ZPBP: variants seen among roughly 807,000 people sequenced by gnomAD.
The protein encoded by ZPBP is zona pellucida-binding protein 1.
A neutral mutation model predicts 44.8 loss-of-function variants in ZPBP; 26 were observed. The observed-to-expected ratio is 0.58, with a 90% CI of 0.43 to 0.81. ZPBP has a LOEUF of 0.81. Among genes scored for constraint, ZPBP ranks in the 30% least tolerant of loss-of-function variants. The pLI, the probability that ZPBP is intolerant of heterozygous loss-of-function variation, is 0.00. For missense variants in ZPBP, 409 were observed against 434.0 expected, an observed-to-expected ratio of 0.94 and a Z score of 0.51; for synonymous variants, 174 against 153.2, an observed-to-expected ratio of 1.14 and a Z score of -1.00.
chr7:49,880,178 T>C (rs1334714355), intron 2 of ZPBP, among the ~76,000 whole-genome samples: 2 of 152,226 alleles, frequency 1.3e-5, no homozygotes, highest in African/African-American at 4.8e-5. Context: ...ATCTGCTAAA[T>C]TTTATCAGTG....
intron 6 of ZPBP, among the ~76,000 whole-genome samples, chr7:50,007,952 T>C (rs1298188069): frequency 6.6e-6 from 1 of 151,892 alleles, no homozygotes; most frequent in Non-Finnish European, 1.5e-5. Context: ...CCCACTAAGA[T>C]TACAAATAAG....
chr7:50,031,305 G>A lies in ZPBP; in HGVS notation c.493C>T (p.Arg165Cys), dbSNP rs1395397866. The A allele has an allele frequency of 1.4e-5, 23 of 1,607,892 alleles. No homozygotes were observed. Among genetic ancestry groups the A allele is most frequent in the Non-Finnish European group, 1.9e-5 (22 of 1,178,176 alleles). The stretch of plus-strand genomic sequence containing the variant: ...AACTGATAATAATAATGAGGCTCAC[G>A]ATAAGCTGTAAAAAATTAACAAGAG... ...LQLKYAIYAY[R>C]EPHYYYQFTA... Residue 165 changes from arginine (R) to cysteine (C), a missense_variant, in exon 5 of 8, where the codon CGT becomes TGT. Transcript: ENST00000046087.
chr7:49,981,317 TATAA>T (rs373321887), intron 7 of ZPBP, among the ~76,000 whole-genome samples: 43,874 of 61,180 alleles, frequency 0.72, 15,901 homozygotes, highest in East Asian at 0.8. Context: ...TTATATATTA[TATAA>T]TATATATTAT....
chr7:49,870,420 A>G (rs1316837518), intron 2 of ZPBP, among the ~76,000 whole-genome samples: 1 of 152,108 alleles, frequency 6.6e-6, no homozygotes. Flanking sequence ...AAAAATAAAA[A>G]TTGTCTATAT....
intron 3 of ZPBP, among the ~76,000 whole-genome samples, chr7:50,079,636 T>C (rs914537110): frequency 6.6e-6 from 1 of 151,564 alleles, no homozygotes; most frequent in Non-Finnish European, 1.5e-5. Flanking sequence ...ACCTAATGTA[T>C]AGAATGGTAA....
intron 1 of ZPBP, among the ~76,000 whole-genome samples, chr7:49,932,034 G>A (rs1794463952): frequency 6.6e-6 from 1 of 152,236 alleles, no homozygotes; most frequent in African/African-American, 2.4e-5. Context: ...TGAGGTTTGG[G>A]AACCTCCGCC....
chr7:49,958,772 C>G (rs1795719896), intron 7 of ZPBP, among the ~76,000 whole-genome samples: 2 of 152,122 alleles, frequency 1.3e-5, no homozygotes, highest in Non-Finnish European at 2.9e-5. Context: ...AGCTGGTAAC[C>G]CAGTGAATTC....
chr7:50,028,537 A>G (rs771007889), intron 5 of ZPBP, among the ~76,000 whole-genome samples: 6 of 152,012 alleles, frequency 3.9e-5, no homozygotes, highest in Admixed American at 6.6e-5. Context: ...TGTGAAGTAA[A>G]ACTATTGCTA....
At chr7:49,958,818 A>G (rs1392925826) in intron 7 of ZPBP, among the ~76,000 whole-genome samples, 1 of 152,224 alleles carries the variant, frequency 6.6e-6, no homozygotes, top group East Asian at 1.9e-4. Flanking sequence ...TATCAATCCT[A>G]TAGAAGCACT....
chr7:50,059,463 A>T (rs904574577), intron 3 of ZPBP, among the ~76,000 whole-genome samples: 1 of 152,204 alleles, frequency 6.6e-6, no homozygotes, highest in African/African-American at 2.4e-5. Context: ...TTTAGAATAC[A>T]TGTCTATTGT....
chr7:49,902,961 C>A (rs577268057), intron 1 of ZPBP, among the ~76,000 whole-genome samples: 1 of 151,918 alleles, frequency 6.6e-6, no homozygotes, highest in East Asian at 1.9e-4. Flanking sequence ...AGGCAAAATA[C>A]ATGAAGAGTC....
intron 2 of ZPBP, among the ~76,000 whole-genome samples, chr7:49,880,493 CTTCT>C (rs2053747071): frequency 6.6e-6 from 1 of 151,738 alleles, no homozygotes; most frequent in South Asian, 2.1e-4. Flanking sequence ...TCAAATTCAG[CTTCT>C]TTATTAGATA....
chr7:49,955,497 C>A (rs1210358478), intron 7 of ZPBP, among the ~76,000 whole-genome samples: 3 of 151,890 alleles, frequency 2.0e-5, no homozygotes, highest in Non-Finnish European at 4.4e-5. Flanking sequence ...GCAGAGATTG[C>A]GGTGAGCTGA....
chr7:50,070,001 C>T (rs1311178689), intron 3 of ZPBP, among the ~76,000 whole-genome samples: 2 of 152,154 alleles, frequency 1.3e-5, no homozygotes, highest in Admixed American at 6.5e-5. Context: ...TCACACATCT[C>T]CCTTGCCCCA....
At chr7:49,959,407 T>A (rs900500176) in intron 7 of ZPBP, among the ~76,000 whole-genome samples, 3 of 152,066 alleles carry the variant, frequency 2.0e-5, no homozygotes, top group Non-Finnish European at 4.4e-5. Flanking sequence ...GTTAATATTT[T>A]AAAAATCCAT....
intron 1 of ZPBP, among the ~76,000 whole-genome samples, chr7:49,931,331 G>A (rs1794435994): frequency 6.6e-6 from 1 of 152,218 alleles, no homozygotes; most frequent in Non-Finnish European, 1.5e-5. Context: ...AAGAAGACAA[G>A]AAAATGTGGG....
chr7:49,984,814 C>T lies in ZPBP; in HGVS notation c.784-1295G>A, dbSNP rs552688316. Reference sequence around the variant, plus strand: ...TTTTCTATTTAGATTTGGGTTCCATCCCCATGATATCTCATTTTATATATA... The same window carrying T: ...TTTTCTATTTAGATTTGGGTTCCATTCCCATGATATCTCATTTTATATATA... On this transcript the variant is annotated intron_variant, in intron 6 of 7. Coordinates refer to ENST00000046087, the MANE Select transcript of ZPBP (RefSeq NM_007009.3). Among the ~76,000 whole-genome samples, 12 of 152,262 alleles carry T rather than the reference C, an allele frequency of 7.9e-5. No homozygotes were observed. The South Asian group carries it at 1.2e-3, about 16-fold the overall frequency.
chr7:49,942,461 A>C (rs1794929394), intron 7 of ZPBP: 1 of 154,010 alleles, frequency 6.5e-6, no homozygotes. Context: ...TGTTCTGCTT[A>C]TTTCCTTTTT....
At chr7:50,036,989 AAATTT>A (rs1208370662) in intron 4 of ZPBP, among the ~76,000 whole-genome samples, 1 of 152,026 alleles carries the variant, frequency 6.6e-6, no homozygotes, top group Non-Finnish European at 1.5e-5. Context: ...AAAAATTGTA[AAATTT>A]AATATATAAA....
Sources: allele counts gnomAD v4.1 joint callset (sites outside exome capture counted in the v4.1 genomes callset), GRCh38; gene constraint gnomAD v4.1.1; transcripts MANE v1.5; gene names NCBI Gene and HGNC (gene_info 2026-07-23, HGNC 2026-07-21).